Variants in B3GALT1 observed in about 807,000 individuals in gnomAD.
The protein encoded by B3GALT1 is beta-1,3-galactosyltransferase 1.
A neutral mutation model predicts 23.2 loss-of-function variants in B3GALT1; 10 were observed. The ratio of observed to expected loss-of-function variants is 0.43; its 90% CI spans 0.27 to 0.73. The LOEUF (loss-of-function observed/expected upper bound fraction) is 0.73. B3GALT1 is among the 30% of genes least tolerant of loss of function. B3GALT1 has a pLI of 0.21. For missense variants in B3GALT1, 299 were observed against 405.4 expected (o/e 0.74, Z 2.25); for synonymous variants, 156 against 141.5 (o/e 1.10, Z -0.73).
intron 4 of B3GALT1, among the ~76,000 whole-genome samples, chr2:167,821,113 T>C (rs141362495): frequency 6.6e-6 from 1 of 152,336 alleles, no homozygotes; most frequent in African/African-American, 2.4e-5. Flanking sequence ...CTTGGGTGTA[T>C]AGGCCATTCA....
intron 1 of B3GALT1, among the ~76,000 whole-genome samples, chr2:167,469,782 A>G (rs1208235322): frequency 4.6e-5 from 7 of 152,132 alleles, no homozygotes; most frequent in Admixed American, 4.6e-4. Context: ...TTTAGGTATA[A>G]CATGTGATTT....
intron 3 of B3GALT1, among the ~76,000 whole-genome samples, chr2:167,755,906 T>C (rs986679711): frequency 6.6e-6 from 1 of 151,812 alleles, no homozygotes; most frequent in Admixed American, 6.6e-5. Flanking sequence ...GGCCAGGAGT[T>C]TGAGATTGCA....
At chr2:167,614,350 C>A (rs1394694889) in intron 2 of B3GALT1, among the ~76,000 whole-genome samples, 1 of 147,734 alleles carries the variant, frequency 6.8e-6, no homozygotes, top group Non-Finnish European at 1.5e-5. Context: ...TTAAAAGAGA[C>A]AAAGTCTTTG....
intron 2 of B3GALT1, among the ~76,000 whole-genome samples, chr2:167,537,015 C>G (rs1008557096): frequency 2.0e-5 from 3 of 152,108 alleles, no homozygotes; most frequent in Admixed American, 6.6e-5. Flanking sequence ...AACTCTGAAG[C>G]CTAACATGGT....
chr2:167,825,457 C>T (rs887490222), intron 4 of B3GALT1, among the ~76,000 whole-genome samples: 2,999 of 108,240 alleles, frequency 0.028, 111 homozygotes, highest in African/African-American at 0.093. Flanking sequence ...TGTGTGTGTG[C>T]GTGCACGTGT....
intron 1 of B3GALT1, among the ~76,000 whole-genome samples, chr2:167,399,653 A>G (rs1037998646): frequency 9.2e-5 from 14 of 151,968 alleles, no homozygotes; most frequent in African/African-American, 3.4e-4. Flanking sequence ...CATTTTTTCA[A>G]TTATATAGCA....
chr2:167,552,024 G>C (rs1383652694), intron 2 of B3GALT1, among the ~76,000 whole-genome samples: 1 of 152,158 alleles, frequency 6.6e-6, no homozygotes, highest in Non-Finnish European at 1.5e-5. Context: ...TTGTAAGGAG[G>C]CTGTTTATTT....
At chr2:167,391,897 A>G (rs1470075926) in intron 1 of B3GALT1, among the ~76,000 whole-genome samples, 1 of 152,186 alleles carries the variant, frequency 6.6e-6, no homozygotes, top group Non-Finnish European at 1.5e-5. Flanking sequence ...TTCTTAAATG[A>G]TATAACTTTA....
rs1212184736 is a variant in B3GALT1, at chr2:167,837,961, A to T, written c.-230+19168A>T. Among the ~76,000 whole-genome samples the T allele has an allele frequency of 3.3e-5, 5 of 152,270 alleles. No individual in the cohort carries two copies. The East Asian group carries it at 5.8e-4, about 18-fold the overall frequency. ...ATAACAAATGAAGGCAGACATAAAG[A>T]TGTTCTTTGAAACCAATGAGAACAA... is the stretch of plus-strand genomic sequence containing the variant. On this transcript the variant is annotated intron_variant, in intron 4 of 4. Coordinates refer to ENST00000392690, the MANE Select transcript of B3GALT1 (RefSeq NM_020981.4).
At chr2:167,807,468 C>A (rs952718904) in intron 3 of B3GALT1, among the ~76,000 whole-genome samples, 8 of 152,014 alleles carry the variant, frequency 5.3e-5, no homozygotes, top group African/African-American at 1.5e-4. Context: ...ATAAATTTCC[C>A]TCTACACACT....
intron 4 of B3GALT1, among the ~76,000 whole-genome samples, chr2:167,841,193 G>A (rs1206113419): frequency 1.1e-4 from 15 of 140,484 alleles, no homozygotes; most frequent in Non-Finnish European, 1.8e-4. Flanking sequence ...AAATAAATAA[G>A]TAAAAATAAA....
intron 1 of B3GALT1, among the ~76,000 whole-genome samples, chr2:167,410,753 A>G (rs1698378125): frequency 6.6e-6 from 1 of 152,024 alleles, no homozygotes; most frequent in Non-Finnish European, 1.5e-5. Context: ...GTAAAAAAAT[A>G]AAATAAAATA....
chr2:167,727,979 G>A (rs1185112847), intron 3 of B3GALT1, among the ~76,000 whole-genome samples: 2 of 152,190 alleles, frequency 1.3e-5, no homozygotes, highest in African/African-American at 2.4e-5. Context: ...GCTTCTTCTG[G>A]TTTTGAACCT....
At chr2:167,832,498 G>C (rs1574288103) in intron 4 of B3GALT1, among the ~76,000 whole-genome samples, 1 of 152,270 alleles carries the variant, frequency 6.6e-6, no homozygotes, top group South Asian at 2.1e-4. Context: ...AAAGTTATGA[G>C]AATCTCACTT....
At chr2:167,768,333 T>C (rs1024482389) in intron 3 of B3GALT1, among the ~76,000 whole-genome samples, 11 of 152,232 alleles carry the variant, frequency 7.2e-5, no homozygotes, top group Admixed American at 2.6e-4. Context: ...TTCTCTACAC[T>C]GAATAGTAGG....
At chr2:167,672,574 C>G (rs534439218) in intron 3 of B3GALT1, among the ~76,000 whole-genome samples, 2 of 152,270 alleles carry the variant, frequency 1.3e-5, no homozygotes, top group African/African-American at 4.8e-5. Flanking sequence ...GTGAAGCCAG[C>G]TTTGCCATGT....
intron 1 of B3GALT1, among the ~76,000 whole-genome samples, chr2:167,416,721 G>A (rs1698476895): frequency 6.6e-6 from 1 of 152,270 alleles, no homozygotes; most frequent in East Asian, 1.9e-4. Flanking sequence ...CTAGCATGCA[G>A]CAAAGCCATA....
intron 4 of B3GALT1, among the ~76,000 whole-genome samples, chr2:167,834,911 G>A (rs929938085): frequency 6.6e-6 from 1 of 152,084 alleles, no homozygotes; most frequent in Non-Finnish European, 1.5e-5. Context: ...TGCCCAAGGA[G>A]AGGCCTGACA....
chr2:167,862,621 C>G (rs1690123871), intron 4 of B3GALT1: 1 of 152,266 alleles, frequency 6.6e-6, no homozygotes, highest in Non-Finnish European at 1.5e-5. Context: ...TTAACCATCA[C>G]ACTGCCTGAA....
Sources: gnomAD v4.1 joint callset for allele counts (sites outside exome capture counted in the v4.1 genomes callset) on GRCh38, gnomAD v4.1.1 for gene constraint, MANE v1.5 for transcripts, NCBI Gene and HGNC (gene_info 2026-07-23, HGNC 2026-07-21) for gene names.